BTG4: variants seen among roughly 807,000 people sequenced by gnomAD.
BTG4 encodes protein BTG4.
BTG4 carries 10 observed loss-of-function variants against 19.3 expected under a neutral mutation model. The ratio of observed to expected loss-of-function variants is 0.52; its 90% CI spans 0.32 to 0.88. The LOEUF is 0.88. Ranked by LOEUF, BTG4 falls within the 40% of genes least tolerant of loss-of-function variation. The pLI, the probability that BTG4 is intolerant of heterozygous loss-of-function variation, is 0.04. For missense variants in BTG4, 238 were observed against 281.9 expected, an observed-to-expected ratio of 0.84 and a Z score of 1.11; for synonymous variants, 91 against 95.7, an observed-to-expected ratio of 0.95 and a Z score of 0.29.
chr11:111,491,010 T>C (rs1865383037), downstream of BTG4, among the ~76,000 whole-genome samples: 1 of 152,236 alleles, frequency 6.6e-6, no homozygotes, highest in African/African-American at 2.4e-5. Flanking sequence ...TAAACTGTGA[T>C]GTATCCATAC....
chr11:111,432,173 CT>C, the BTG4 span, among the ~76,000 whole-genome samples: 1 of 152,172 alleles, frequency 6.6e-6, no homozygotes, highest in Non-Finnish European at 1.5e-5. Context: ...AGCTAGAGCC[CT>C]GCCCTCAGGT....
the BTG4 span, among the ~76,000 whole-genome samples, chr11:111,456,299 G>A: frequency 2.6e-5 from 4 of 152,146 alleles, no homozygotes; most frequent in South Asian, 8.3e-4. The surrounding 1 kb of genome is among the most constrained non-coding windows in gnomAD (Gnocchi z 4.2). Context: ...TCCAGTCTCT[G>A]CCGGCCTGCG....
chr11:111,501,367 C>T (rs577229671), intron 1 of BTG4, among the ~76,000 whole-genome samples: 1 of 151,968 alleles, frequency 6.6e-6, no homozygotes, highest in South Asian at 2.1e-4. Context: ...CAAAGACCCT[C>T]TCTCAAAAAA....
the BTG4 span, among the ~76,000 whole-genome samples, chr11:111,391,606 G>A: frequency 6.6e-6 from 1 of 152,136 alleles, no homozygotes; most frequent in South Asian, 2.1e-4. Context: ...AAGCAGCTTG[G>A]AATTGTGTTC....
chr11:111,499,924 C>T (rs1865964839), intron 1 of BTG4, among the ~76,000 whole-genome samples: 1 of 151,974 alleles, frequency 6.6e-6, no homozygotes, highest in South Asian at 2.1e-4. Context: ...GGTGGATCAC[C>T]TGAGGTCAGG....
the BTG4 span, chr11:111,452,443 G>C: frequency 6.6e-6 from 1 of 152,336 alleles, no homozygotes. Flanking sequence ...GGCCAGTGCT[G>C]TGGGGAAGGG....
chr11:111,438,653 C>T, the BTG4 span, among the ~76,000 whole-genome samples: 2 of 152,238 alleles, frequency 1.3e-5, no homozygotes, highest in African/African-American at 4.8e-5. Context: ...CAAGAGTAAA[C>T]ATTAAACATT....
At chr11:111,513,481 A>G (rs368966022), upstream of BTG4, 3 of 533,888 alleles carry the variant, frequency 5.6e-6, no homozygotes, top group Non-Finnish European at 1.2e-5. Context: ...TGCTAATAGT[A>G]CCAATCACTA....
At chr11:111,406,227 A>G in the BTG4 span, among the ~76,000 whole-genome samples, 1 of 152,182 alleles carries the variant, frequency 6.6e-6, no homozygotes. Flanking sequence ...TCATTCTCCC[A>G]TGTCAGCCTC....
the BTG4 span, among the ~76,000 whole-genome samples, chr11:111,427,442 C>T: frequency 6.6e-6 from 1 of 152,180 alleles, no homozygotes; most frequent in Non-Finnish European, 1.5e-5. Context: ...CCGCTCTGAT[C>T]TCACCCAGGC....
chr11:111,504,239 T>A (rs984766631), intron 1 of BTG4, among the ~76,000 whole-genome samples: 6 of 152,106 alleles, frequency 3.9e-5, no homozygotes, highest in Admixed American at 2.6e-4. Flanking sequence ...AATGAACTGA[T>A]TCTGTAACCC....
At chr11:111,419,599 G>A in the BTG4 span, among the ~76,000 whole-genome samples, 16 of 152,340 alleles carry the variant, frequency 1.1e-4, no homozygotes, top group Middle Eastern at 3.4e-3. Flanking sequence ...CCACTGGCTC[G>A]CTTCCCAAGC....
chr11:111,404,597 C>T, the BTG4 span: 2,000 of 456,178 alleles, frequency 4.4e-3, 20 homozygotes, highest in African/African-American at 0.032. Context: ...CAAAGGGTAA[C>T]AGACCCCACA....
the BTG4 span, among the ~76,000 whole-genome samples, chr11:111,402,858 TTAA>T: frequency 0.33 from 50,532 of 150,954 alleles, 8,990 homozygotes; most frequent in Admixed American, 0.44. Context: ...CAAGACCAAA[TTAA>T]TAATAATAAT....
chr11:111,442,238 C>T, the BTG4 span, among the ~76,000 whole-genome samples: 21 of 151,786 alleles, frequency 1.4e-4, 1 homozygote, highest in South Asian at 3.5e-3. Context: ...CGGTGGCTCA[C>T]GTCTGTAATC....
chr11:111,502,258 C>A (rs1158927044), intron 1 of BTG4, among the ~76,000 whole-genome samples: 2 of 152,062 alleles, frequency 1.3e-5, no homozygotes, highest in African/African-American at 4.8e-5. Context: ...AGGTGTGAAC[C>A]ACCACGCCCG....
the BTG4 span, among the ~76,000 whole-genome samples, chr11:111,458,914 C>T: frequency 6.6e-6 from 1 of 152,202 alleles, no homozygotes; most frequent in South Asian, 2.1e-4. Flanking sequence ...CCCTCCCTGC[C>T]ACTGTTTTAC....
chr11:111,418,111 A>C, the BTG4 span: 1 of 152,176 alleles, frequency 6.6e-6, no homozygotes, highest in South Asian at 2.1e-4. Context: ...CCTGGTTTCC[A>C]GTTTAGTTGT....
chr11:111,433,080 G>A, the BTG4 span, among the ~76,000 whole-genome samples: 1 of 152,174 alleles, frequency 6.6e-6, no homozygotes, highest in Non-Finnish European at 1.5e-5. Context: ...TGACTTGGAG[G>A]TAAGACAAGA....
Sources: allele counts gnomAD v4.1 joint callset (sites outside exome capture counted in the v4.1 genomes callset), GRCh38; gene constraint gnomAD v4.1.1; non-coding constraint Gnocchi (gnomAD v3.1); transcripts MANE v1.5; gene names NCBI Gene and HGNC (gene_info 2026-07-23, HGNC 2026-07-21).